CLN3: variants seen among roughly 807,000 people sequenced by gnomAD.
CLN3 encodes battenin.
In CLN3, 49 loss-of-function variants were observed where a neutral mutation model predicts 60.7. The observed-to-expected ratio is 0.81, with a 90% CI of 0.64 to 1.02. CLN3 has a LOEUF of 1.02. Ranked by LOEUF, CLN3 falls within the 50% of genes least tolerant of loss-of-function variation. The pLI is 0.00. For missense variants in CLN3, 516 were observed against 557.4 expected, an observed-to-expected ratio of 0.93 and a Z score of 0.75; for synonymous variants, 256 against 245.8, an observed-to-expected ratio of 1.04 and a Z score of -0.39.
intron 3 of CLN3, chr16:28,490,845 G>T (rs1279574215): frequency 6.6e-6 from 1 of 151,678 alleles, no homozygotes; most frequent in Non-Finnish European, 1.5e-5. Flanking sequence ...GAGGTAGGAG[G>T]ATCACTTGAG....
At chr16:28,470,675 A>T (rs1423493825), downstream of CLN3, 1 of 460,970 alleles carries the variant, frequency 2.2e-6, no homozygotes, top group African/African-American at 2.1e-5. Context: ...AGGGAAGGGA[A>T]AGGAGGAGAA....
intron 9 of CLN3, 111 bp from the exon 10 acceptor site, chr16:28,484,229 AGATG>A: frequency 1.3e-6 from 1 of 768,176 alleles, no homozygotes; most frequent in Non-Finnish European, 2.3e-6. Flanking sequence ...ACACTTTCAA[AGATG>A]GGTAGCTCAC....
At chr16:28,472,553 G>T (rs1405849943), downstream of CLN3, among the ~76,000 whole-genome samples, 2 of 151,706 alleles carry the variant, frequency 1.3e-5, no homozygotes, top group African/African-American at 2.4e-5. Flanking sequence ...AGAAGAAAAT[G>T]TAGGAGGCTG....
intron 7 of CLN3, chr16:28,487,147 G>A (rs945684764): frequency 6.5e-6 from 3 of 461,084 alleles, no homozygotes; most frequent in African/African-American, 5.9e-5. Flanking sequence ...CTGACCTCAG[G>A]TGATCTGCCT....
At chr16:28,489,772 A>G (rs1327480678) in intron 3 of CLN3, among the ~76,000 whole-genome samples, 1 of 151,824 alleles carries the variant, frequency 6.6e-6, no homozygotes, top group Non-Finnish European at 1.5e-5. Context: ...ATAAAAAGGA[A>G]GAGGCCGAGT....
chr16:28,470,718 A>T (rs2045944222), downstream of CLN3, among the ~76,000 whole-genome samples: 1 of 150,730 alleles, frequency 6.6e-6, no homozygotes, highest in Non-Finnish European at 1.5e-5. Context: ...GAGGTGGAGG[A>T]GGAGAAGAAG....
chr16:28,483,713 C>CTTTTTTTTTT (rs755660742), intron 10 of CLN3, among the ~76,000 whole-genome samples: 10 of 100,530 alleles, frequency 9.9e-5, no homozygotes, highest in Non-Finnish European at 1.5e-4. Context: ...CCTTTCTTTT[C>CTTTTTTTTTT]TTTTTTTTTT....
intron 3 of CLN3, 104 bp downstream of exon 3, chr16:28,491,378 T>C: frequency 1.4e-6 from 2 of 1,466,684 alleles, no homozygotes; most frequent in South Asian, 1.2e-5. Flanking sequence ...TAAATATTTG[T>C]GGGTTCAGCT....
intron 14 of CLN3, among the ~76,000 whole-genome samples, chr16:28,478,672 C>T (rs1362067816): frequency 6.7e-6 from 1 of 148,268 alleles, no homozygotes; most frequent in Non-Finnish European, 1.5e-5. Flanking sequence ...GGAAGTGGGA[C>T]CATCGAAACC....
chr16:28,486,330 G>T lies in CLN3; in HGVS notation c.677+17C>A. ...CTCTCCTTGGACCCCTCTCCCTCCCGGCTCAGGGCAGCTCACCTGGCCAGC... is the reference window on the plus strand; with the variant it reads ...CTCTCCTTGGACCCCTCTCCCTCCCTGCTCAGGGCAGCTCACCTGGCCAGC... On this transcript the variant is annotated intron_variant, in intron 9 of 15. Coordinates refer to ENST00000636147, the MANE Select transcript of CLN3 (RefSeq NM_001042432.2). The T allele has an allele frequency of 6.2e-7, 1 of 1,611,524 alleles. No individual in the cohort carries two copies. The highest frequency in any genetic ancestry group is 8.5e-7 in the Non-Finnish European group (1 of 1,179,914).
chr16:28,487,301 C>T, intron 7 of CLN3, 155 bp downstream of exon 7: 1 of 713,066 alleles, frequency 1.4e-6, no homozygotes, highest in Non-Finnish European at 2.6e-6. Flanking sequence ...TCCAAATTGT[C>T]CCAGTCTCCC....
chr16:28,477,209 TATAGG>T (rs1208305445), downstream of CLN3: 4 of 425,962 alleles, frequency 9.4e-6, no homozygotes, highest in African/African-American at 6.1e-5. Context: ...GCTGTCTATA[TATAGG>T]AAAGTGGGCA....
At chr16:28,470,736 T>C (rs1338309613), downstream of CLN3, among the ~76,000 whole-genome samples, 5 of 150,186 alleles carry the variant, frequency 3.3e-5, no homozygotes, top group South Asian at 2.2e-4. Context: ...AAGAAAGGGG[T>C]CTGGGAAAGG....
At chr16:28,477,661 G>A (rs569047552) in intron 15 of CLN3, 26 bp from the exon 16 acceptor site, 4 of 1,614,018 alleles carry the variant, frequency 2.5e-6, no homozygotes, top group Admixed American at 3.3e-5. Flanking sequence ...GCAGGGGTGA[G>A]GCTTCAGTCC....
downstream of CLN3, among the ~76,000 whole-genome samples, chr16:28,470,707 G>A (rs1389222046): frequency 6.6e-6 from 1 of 150,666 alleles, no homozygotes; most frequent in Admixed American, 6.6e-5. Context: ...GGCACCTGGA[G>A]GAGGTGGAGG....
intron 14 of CLN3, among the ~76,000 whole-genome samples, chr16:28,481,417 A>AAC (rs767753225): frequency 0.095 from 12,321 of 129,540 alleles, 648 homozygotes; most frequent in Middle Eastern, 0.18. Flanking sequence ...CAATGCTTAA[A>AAC]ACACACACAC....
chr16:28,487,331 C>T lies in CLN3; in HGVS notation c.460+125G>A, dbSNP rs190733413. 15 of 807,820 alleles carry T rather than the reference C, an allele frequency of 1.9e-5. No homozygotes were observed. The East Asian group carries it at 3.9e-4, about 21-fold the overall frequency. 50.0% of individuals were successfully genotyped at this position (807,820 alleles called of 1,614,324 possible). On this transcript the variant is annotated intron_variant, in intron 7 of 15. Coordinates refer to ENST00000636147, the MANE Select transcript of CLN3 (RefSeq NM_001042432.2). Reference sequence around the variant, plus strand: ...TCTCCCATCGCCTACTGCTGATAGCCCTAGCAGGCTTCTAAGGGTGACAGA... The same window carrying T: ...TCTCCCATCGCCTACTGCTGATAGCTCTAGCAGGCTTCTAAGGGTGACAGA...
downstream of CLN3, among the ~76,000 whole-genome samples, chr16:28,473,006 T>C (rs750982561): frequency 6.6e-6 from 1 of 151,922 alleles, no homozygotes; most frequent in African/African-American, 2.4e-5. Context: ...GGTATGATCA[T>C]AGCTCACTGC....
At chr16:28,472,042 G>T (rs959493418), downstream of CLN3, among the ~76,000 whole-genome samples, 1 of 152,124 alleles carries the variant, frequency 6.6e-6, no homozygotes, top group East Asian at 1.9e-4. Context: ...AAAAAAAAAA[G>T]TTGGAGGATT....
Sources: allele counts gnomAD v4.1 joint callset (sites outside exome capture counted in the v4.1 genomes callset), GRCh38; gene constraint gnomAD v4.1.1; transcripts MANE v1.5; gene names NCBI Gene and HGNC (gene_info 2026-07-23, HGNC 2026-07-21).